DNAH1: variants seen among roughly 807,000 people sequenced by gnomAD.
DNAH1 encodes axonemal beta dynein heavy chain 1.
DNAH1 carries 327 observed loss-of-function variants against 484.3 expected under a neutral mutation model. The ratio of observed to expected loss-of-function variants is 0.68; its 90% CI spans 0.62 to 0.74. The LOEUF (loss-of-function observed/expected upper bound fraction) is 0.74, where lower values mean the gene tolerates loss of function less well. DNAH1 is among the 30% of genes least tolerant of loss of function. The pLI, the probability that DNAH1 is intolerant of heterozygous loss-of-function variation, is 0.00. For missense variants in DNAH1, 5,052 were observed against 5,546.8 expected (o/e 0.91, Z 2.83); for synonymous variants, 2,192 against 2,191.9 (o/e 1.00, Z 0.00).
Position 52,358,791 on chromosome 3 carries a change from C to A in DNAH1, c.4266+54C>A. On this transcript the variant is annotated intron_variant, in intron 25 of 77. Coordinates refer to ENST00000420323, the MANE Select transcript of DNAH1 (RefSeq NM_015512.5). The surrounding 1 kb of genome is among the most constrained non-coding windows in gnomAD (Gnocchi z 4.2). Reference sequence around the variant, plus strand: ...CCACCCCTGCACCCCTCTGCTCCCTCTCAGTGCCCCTCCTGCTCTAGCCGG... The same window carrying A: ...CCACCCCTGCACCCCTCTGCTCCCTATCAGTGCCCCTCCTGCTCTAGCCGG... 6.3e-7 allele frequency: 1 copy of A among 1,596,036 alleles called. No individual in the cohort carries two copies. Among genetic ancestry groups the A allele is most frequent in the South Asian group, 1.1e-5 (1 of 89,222 alleles).
intron 3 of DNAH1, among the ~76,000 whole-genome samples, chr3:52,324,747 G>A (rs995058605): frequency 4.6e-5 from 7 of 152,272 alleles, no homozygotes; most frequent in East Asian, 1.9e-4. Flanking sequence ...GTTACTAACC[G>A]CAGATCTCAG....
Position 52,322,540 on chromosome 3 carries a change from G to A in DNAH1, c.98G>A (p.Gly33Asp). 1.9e-6 allele frequency: 3 copies of A among 1,613,844 alleles called. No homozygotes were observed. Among genetic ancestry groups the A allele is most frequent in the African/African-American group, 1.3e-5 (1 of 75,006 alleles). Residue 33 changes from glycine (G) to aspartate (D), a missense_variant, in exon 2 of 78, where the codon GGC (glycine) becomes GAC (aspartate). By Grantham distance (94) the Gly-to-Asp change is moderately conservative. This residue lies in a region of DNAH1 where 1,263 missense variants were observed against 1,218.8 expected (regional missense o/e 1.04). Transcript: ENST00000420323. ...APAVQVGTHR[G>D]LEYNPGKILP... ...GCAGTCCAAGTGGGGACCCACAGGG[G>A]CCTAGAGTATAACCCGGGGAAGATT...
chr3:52,320,592 G>T (rs1232885208), intron 1 of DNAH1, among the ~76,000 whole-genome samples: 1 of 152,170 alleles, frequency 6.6e-6, no homozygotes, highest in Non-Finnish European at 1.5e-5. Context: ...GTCAGTGCAG[G>T]CAAGGGCCCC....
intron 25 of DNAH1, 28 bp from the exon 26 acceptor site, chr3:52,359,218 G>T: frequency 6.4e-7 from 1 of 1,556,012 alleles, no homozygotes; most frequent in South Asian, 1.2e-5. Flanking sequence ...CGGCTGTCCA[G>T]GTCAGCCTGC....
chr3:52,349,140 C>T (rs1392596903), intron 13 of DNAH1, 55 bp from the exon 14 acceptor site: 1 of 1,611,494 alleles, frequency 6.2e-7, no homozygotes, highest in East Asian at 2.2e-5. Context: ...ATGTGTATCC[C>T]CTGCCCACCC....
chr3:52,337,260 T>G (rs1247564167), intron 8 of DNAH1, among the ~76,000 whole-genome samples: 1 of 152,232 alleles, frequency 6.6e-6, no homozygotes, highest in East Asian at 1.9e-4. Context: ...ATGCTCCTGA[T>G]TTTTGTACAT....
chr3:52,319,188 G>A (rs879277067), intron 1 of DNAH1, among the ~76,000 whole-genome samples: 44 of 152,200 alleles, frequency 2.9e-4, no homozygotes, highest in African/African-American at 7.5e-4. Context: ...CTGCTGTGAG[G>A]TTGGAATACC....
rs200465179 is a variant in DNAH1 at position 52,398,286 on chromosome 3, TTTG to T, written c.12089+137_12089+139del. The stretch of plus-strand genomic sequence containing the variant: ...TACACATCCTCTAACTCAGCTATTT[TTTG>T]TTGTTGTTGTTGACACGGAGTCTCT... On this transcript the variant is annotated intron_variant, in intron 75 of 77. Transcript: ENST00000420323. 775 of 1,274,244 alleles carry T rather than the reference TTTG, an allele frequency of 6.1e-4. 2 individuals carry two copies. The African/African-American group carries it at 7.4e-3, about 12-fold the overall frequency. The allele number at this position is 1,274,244 out of a possible 1,614,324, so 78.9% of individuals were successfully genotyped here. A position where few individuals can be genotyped will look rare whatever the true frequency, so the allele number is the denominator to read the frequency against.
intron 27 of DNAH1, 43 bp from the exon 28 acceptor site, chr3:52,360,268 C>T (rs938331837): frequency 1.8e-5 from 28 of 1,566,344 alleles, no homozygotes; most frequent in Non-Finnish European, 2.3e-5. Context: ...TGCCCAGTGG[C>T]CCATTGCCCC....
In DNAH1 at chr3:52,342,428, A is replaced by T. The variant is rs147353071; in HGVS notation, c.1287-2062A>T. Among the ~76,000 whole-genome samples the T allele has an allele frequency of 3.9e-3, 593 of 152,378 alleles. 5 individuals are homozygous for T. Among genetic ancestry groups the T allele is most frequent in the South Asian group, 0.023 (111 of 4,830 alleles). ...GGAGATCAATGAGGAGACTAATGCC[A>T]TAATCAGGGCCAGAGATCATGATGG... On this transcript the variant is annotated intron_variant, in intron 8 of 77. Coordinates refer to ENST00000420323, the MANE Select transcript of DNAH1 (RefSeq NM_015512.5).
intron 36 of DNAH1, among the ~76,000 whole-genome samples, chr3:52,367,094 A>G (rs1703115594): frequency 6.6e-6 from 1 of 152,236 alleles, no homozygotes; most frequent in African/African-American, 2.4e-5. Flanking sequence ...AGCGGGGACA[A>G]TAATGGCACC....
At chr3:52,366,997 G>T in intron 36 of DNAH1, 110 bp downstream of exon 36, 1 of 1,329,300 alleles carries the variant, frequency 7.5e-7, no homozygotes, top group South Asian at 1.4e-5. Context: ...GGGCTCTGCA[G>T]CCCAACGCTT....
Position 52,361,602 on chromosome 3 carries a change from A to C in DNAH1, c.4875-59A>C. ...GGAGTTGGAGGGGGCCCTCAGAGGG[A>C]GGTGCCCAGATTGGGCTCTGAACAC... is the stretch of plus-strand genomic sequence containing the variant. On this transcript the variant is annotated intron_variant, in intron 29 of 77. Coordinates refer to ENST00000420323, the MANE Select transcript of DNAH1 (RefSeq NM_015512.5). The surrounding 1 kb of genome is among the most constrained non-coding windows in gnomAD (Gnocchi z 5.6). 1.3e-6 allele frequency: 2 copies of C among 1,504,756 alleles called. No individual in the cohort carries two copies. The highest frequency in any genetic ancestry group is 1.8e-6 in the Non-Finnish European group (2 of 1,106,216). The allele number at this position is 1,504,756 out of a possible 1,614,324, so 93.2% of individuals were successfully genotyped here.
At chr3:52,344,981 A>G (rs932358035) in intron 9 of DNAH1, among the ~76,000 whole-genome samples, 3 of 152,204 alleles carry the variant, frequency 2.0e-5, no homozygotes, top group East Asian at 3.9e-4. Flanking sequence ...TCCAGTAGCA[A>G]GAGAGGAGAC....
chr3:52,391,721 C>A, intron 63 of DNAH1, 118 bp downstream of exon 63: 1 of 1,211,476 alleles, frequency 8.3e-7, no homozygotes, highest in Non-Finnish European at 1.2e-6. Context: ...AAGTCTCCAC[C>A]AGTTTCACCC....
At chr3:52,382,997 C>A (rs892203028) in intron 50 of DNAH1, among the ~76,000 whole-genome samples, 3 of 152,250 alleles carry the variant, frequency 2.0e-5, no homozygotes, top group Non-Finnish European at 4.4e-5. Flanking sequence ...AAGGCAGCCA[C>A]TGTGAGTCAG....
Position 52,396,613 on chromosome 3 carries a change from C to T in DNAH1, c.11431-5C>T, listed in dbSNP as rs771912628. On this transcript the variant is annotated splice_region_variant and splice_polypyrimidine_tract_variant and intron_variant, in intron 71 of 77. Coordinates refer to ENST00000420323, the MANE Select transcript of DNAH1 (RefSeq NM_015512.5). ...CTCACCTCCCCTGCCTCCCACCTCC[C>T]CCAGGTGATGGAGTTCAAGTCTCTG... The T allele has an allele frequency of 6.2e-7, 1 of 1,611,818 alleles. No individual in the cohort carries two copies. Among genetic ancestry groups the T allele is most frequent in the Non-Finnish European group, 8.5e-7 (1 of 1,178,358 alleles).
At position 52,354,997 on chromosome 3, in the gene DNAH1, A is replaced by G. The variant is rs1431600865; in HGVS notation, c.3635A>G (p.Tyr1212Cys). 4 of 1,613,848 alleles carry G rather than the reference A, an allele frequency of 2.5e-6. No homozygotes were observed. The highest frequency in any genetic ancestry group is 1.7e-6 in the Non-Finnish European group (2 of 1,179,894). ...ACCCAGAATATGTCATTTTCACCCTACAAGAAGCCCTTTGAGCAGCGCATC... is the reference window on the plus strand; with the variant it reads ...ACCCAGAATATGTCATTTTCACCCTGCAAGAAGCCCTTTGAGCAGCGCATC... ...VMTQNMSFSPYKKPFEQRINS... is the reference protein window; with the variant it reads ...VMTQNMSFSPCKKPFEQRINS... Residue 1212 changes from tyrosine to cysteine, a missense_variant, in exon 21 of 78, where the codon TAC (tyrosine) becomes TGC (cysteine). Around this residue, in one of 4 missense-constraint regions of DNAH1, gnomAD observed 2,929 missense variants for 3,409.4 expected, o/e 0.86. Coordinates refer to ENST00000420323, the MANE Select transcript of DNAH1 (RefSeq NM_015512.5).
At chr3:52,373,410 A>G (rs1452165943) in intron 44 of DNAH1, among the ~76,000 whole-genome samples, 2 of 152,254 alleles carry the variant, frequency 1.3e-5, no homozygotes, top group Non-Finnish European at 2.9e-5. Context: ...CGAATAAAAC[A>G]AGAAGGAGAA....
Sources: allele counts gnomAD v4.1 joint callset (sites outside exome capture counted in the v4.1 genomes callset), GRCh38; gene constraint gnomAD v4.1.1; regional missense constraint gnomAD v4.1.1; non-coding constraint Gnocchi (gnomAD v3.1); transcripts MANE v1.5; gene names NCBI Gene and HGNC (gene_info 2026-07-23, HGNC 2026-07-21).